Variants in F2R observed in about 807,000 individuals in gnomAD.
The protein encoded by F2R is coagulation factor II thrombin receptor.
In F2R, 12 loss-of-function variants were observed where a neutral mutation model predicts 18.3. The ratio of observed to expected loss-of-function variants is 0.66; its 90% CI spans 0.42 to 1.06. The LOEUF (loss-of-function observed/expected upper bound fraction) is 1.06. F2R is among the 50% of genes least tolerant of loss of function. The probability of loss-of-function intolerance (pLI) is 0.00; values close to 1 mark genes in which losing one functional copy is unlikely to be tolerated. For synonymous variants in F2R, 210 were observed against 219.9 expected, an observed-to-expected ratio of 0.95 and a Z score of 0.40; for missense variants, 438 against 530.8, an observed-to-expected ratio of 0.83 and a Z score of 1.72.
chr5:76,716,636 G>T (rs764662048), intron 1 of F2R: 3 of 741,496 alleles, frequency 4.0e-6, no homozygotes, highest in South Asian at 1.4e-5. Context: ...CTGCCACGGG[G>T]TGTTGGATAT....
intron 1 of F2R, chr5:76,716,818 T>A (rs1202904683): frequency 1.9e-6 from 1 of 518,974 alleles, no homozygotes; most frequent in Admixed American, 3.9e-5. Flanking sequence ...GAAGTTTTGC[T>A]TTGTTGGAAG....
chr5:76,731,414 C>T (rs984283838), intron 1 of F2R, among the ~76,000 whole-genome samples: 3 of 151,046 alleles, frequency 2.0e-5, no homozygotes, highest in African/African-American at 7.3e-5. Flanking sequence ...GCGGAGGTTG[C>T]GGTGAGCCGA....
chr5:76,722,646 C>T (rs1748486530), intron 1 of F2R, among the ~76,000 whole-genome samples: 1 of 152,148 alleles, frequency 6.6e-6, no homozygotes, highest in African/African-American at 2.4e-5. Flanking sequence ...TTCTGAACCC[C>T]AGTCAGTCAA....
intron 1 of F2R, among the ~76,000 whole-genome samples, chr5:76,727,855 G>A (rs890405268): frequency 1.9e-4 from 27 of 141,096 alleles, no homozygotes; most frequent in African/African-American, 4.5e-4. Flanking sequence ...GTTGGTTTCC[G>A]CTCACTGTCT....
At position 76,716,239 on chromosome 5, in the gene F2R, G is replaced by A. The variant is rs2227745; in HGVS notation, c.-69G>A. 6.5e-4 allele frequency: 803 copies of A among 1,235,352 alleles called. 7 individuals carry two copies. The African/African-American group carries it at 0.011, about 17-fold the overall frequency. 76.5% of individuals were successfully genotyped at this position (1,235,352 alleles called of 1,614,324 possible). ...GCTCCCCGACCCGCAGAAGTCAGGA[G>A]AGAGGGTGAAGCGGAGCAGCCCGAG... On this transcript the variant is annotated 5_prime_UTR_variant, in exon 1 of 2. Transcript: ENST00000319211.
intron 1 of F2R, among the ~76,000 whole-genome samples, chr5:76,730,069 G>A (rs1472840754): frequency 6.6e-6 from 1 of 152,130 alleles, no homozygotes; most frequent in Non-Finnish European, 1.5e-5. Context: ...TAAATTACAG[G>A]AAAAAAGACT....
intron 1 of F2R, among the ~76,000 whole-genome samples, chr5:76,717,895 T>A (rs1174429929): frequency 1.3e-5 from 2 of 152,156 alleles, no homozygotes; most frequent in Non-Finnish European, 2.9e-5. Context: ...CTGCCAAGCT[T>A]CTTACATCCT....
At chr5:76,719,495 A>G (rs1748406717) in intron 1 of F2R, among the ~76,000 whole-genome samples, 1 of 152,150 alleles carries the variant, frequency 6.6e-6, no homozygotes, top group African/African-American at 2.4e-5. Flanking sequence ...AGGCTGAGGC[A>G]CCAGAATTGC....
At chr5:76,721,346 C>T (rs1748450679) in intron 1 of F2R, among the ~76,000 whole-genome samples, 1 of 152,172 alleles carries the variant, frequency 6.6e-6, no homozygotes, top group South Asian at 2.1e-4. Context: ...ATAAATAGCT[C>T]TGTCTATATA....
intron 1 of F2R, among the ~76,000 whole-genome samples, chr5:76,724,310 G>C (rs536200435): frequency 1.3e-5 from 2 of 152,288 alleles, no homozygotes; most frequent in South Asian, 4.1e-4. Flanking sequence ...GGTTCAATCA[G>C]TCCTCCTGCC....
At chr5:76,718,603 G>A (rs1237040380) in intron 1 of F2R, among the ~76,000 whole-genome samples, 5 of 152,230 alleles carry the variant, frequency 3.3e-5, no homozygotes, top group African/African-American at 1.2e-4. Context: ...CTTTGTGTGT[G>A]TGTCTCATTC....
At chr5:76,719,379 C>G (rs2150579915) in intron 1 of F2R, among the ~76,000 whole-genome samples, 1 of 152,276 alleles carries the variant, frequency 6.6e-6, no homozygotes, top group Middle Eastern at 3.4e-3. Context: ...CACTTGAGGC[C>G]AGGAGTTTGA....
Position 76,716,240 on chromosome 5 carries a change from AGAGGGTGAAGCGGAGCAGCCC to A in F2R, c.-63_-43del, listed in dbSNP as rs1234242864. On this transcript the variant is annotated 5_prime_UTR_variant, in exon 1 of 2. Transcript: ENST00000319211. ...CTCCCCGACCCGCAGAAGTCAGGAG[AGAGGGTGAAGCGGAGCAGCCC>A]GAGGCGGGGCAGCCTCCCGGAGCAG... The A allele has an allele frequency of 1.6e-6, 2 of 1,230,122 alleles. No homozygotes were observed. Among genetic ancestry groups the A allele is most frequent in the African/African-American group, 3.2e-5 (2 of 63,002 alleles). The allele number at this position is 1,230,122 out of a possible 1,614,324, so 76.2% of individuals were successfully genotyped here.
At chr5:76,725,141 A>G (rs896596960) in intron 1 of F2R, among the ~76,000 whole-genome samples, 6 of 152,244 alleles carry the variant, frequency 3.9e-5, no homozygotes, top group African/African-American at 1.4e-4. Flanking sequence ...CTGGTGTGGT[A>G]TAAATCCCAG....
chr5:76,718,177 A>G (rs985192381), intron 1 of F2R, among the ~76,000 whole-genome samples: 1 of 152,196 alleles, frequency 6.6e-6, no homozygotes, highest in African/African-American at 2.4e-5. Flanking sequence ...TGATTCTGCA[A>G]CTAAGACCCA....
At chr5:76,716,569 C>A in intron 1 of F2R, 174 bp downstream of exon 1, 1 of 696,566 alleles carries the variant, frequency 1.4e-6, no homozygotes, top group Non-Finnish European at 2.4e-6. Flanking sequence ...GCGTGCCACC[C>A]CCTTCGCGGG....
At chr5:76,731,405 C>T (rs765166515) in intron 1 of F2R, among the ~76,000 whole-genome samples, 3 of 151,258 alleles carry the variant, frequency 2.0e-5, no homozygotes, top group Non-Finnish European at 4.4e-5. Context: ...ACCCCGGAGG[C>T]GGAGGTTGCG....
chr5:76,717,356 A>G (rs1748365387), intron 1 of F2R, among the ~76,000 whole-genome samples: 2 of 152,258 alleles, frequency 1.3e-5, no homozygotes, highest in South Asian at 4.1e-4. Flanking sequence ...TCCTAATAAC[A>G]ATAGTATTTT....
In F2R at chr5:76,717,540, G is replaced by T. The variant is rs148760436; in HGVS notation, c.88+1145G>T. Among the ~76,000 whole-genome samples the T allele has an allele frequency of 6.9e-4, 105 of 152,224 alleles. No individual in the cohort carries two copies. The East Asian group carries it at 0.016, about 23-fold the overall frequency. Reference sequence around the variant, plus strand: ...TCTCGCCTCTCTGTCTTTGTTCAGGGTGAGTTTTGAGATGCTTTTGGGAAA... The same window carrying T: ...TCTCGCCTCTCTGTCTTTGTTCAGGTTGAGTTTTGAGATGCTTTTGGGAAA... On this transcript the variant is annotated intron_variant, in intron 1 of 1. Coordinates refer to ENST00000319211, the MANE Select transcript of F2R (RefSeq NM_001992.5).
Sources: allele counts gnomAD v4.1 joint callset (sites outside exome capture counted in the v4.1 genomes callset), GRCh38; gene constraint gnomAD v4.1.1; transcripts MANE v1.5; gene names NCBI Gene and HGNC (gene_info 2026-07-23, HGNC 2026-07-21).